Variants in PTBP2 observed in about 807,000 individuals in gnomAD.
PTBP2 encodes the protein polypyrimidine tract-binding protein 2.
A neutral mutation model predicts 61.4 loss-of-function variants in PTBP2; 13 were observed. The ratio of observed to expected loss-of-function variants is 0.21; its 90% confidence interval spans 0.14 to 0.34. The LOEUF (loss-of-function observed/expected upper bound fraction) is 0.34. Ranked by LOEUF, PTBP2 falls within the 10% of genes least tolerant of loss-of-function variation. The pLI is 1.00. For synonymous variants in PTBP2, 215 were observed against 218.5 expected (o/e 0.98, Z 0.14); for missense variants, 405 against 642.6 (o/e 0.63, Z 4.00).
chr1:96,730,301 T>C (rs1358499569), intron 2 of PTBP2, among the ~76,000 whole-genome samples: 1 of 152,216 alleles, frequency 6.6e-6, no homozygotes, highest in East Asian at 1.9e-4. Flanking sequence ...GAAGTTAATG[T>C]CATTAACTTA....
At position 96,751,460 on chromosome 1, in the gene PTBP2, C is replaced by T; in HGVS notation, c.75C>T (p.Leu25=). Residue 25 remains leucine (L), a synonymous_variant, in exon 3 of 14, where the codon CTC becomes CTT. Coordinates refer to ENST00000674951, the MANE Select transcript of PTBP2 (RefSeq NM_021190.4). ...GSDELLSGSV[L]SSPNSNMSSM... is the part of the protein sequence containing the mutation. ...ACGAACTACTCTCAGGCAGTGTTCT[C>T]AGTAGTCCGAACTCTAATATGAGCA... is the stretch of plus-strand genomic sequence containing the variant. 1 of 1,612,904 alleles carries T rather than the reference C, an allele frequency of 6.2e-7. No individual in the cohort carries two copies. Among genetic ancestry groups the T allele is most frequent in the Non-Finnish European group, 8.5e-7 (1 of 1,179,214 alleles).
chr1:96,815,989 G>T (rs1447727582), downstream of PTBP2: 1 of 152,210 alleles, frequency 6.6e-6, no homozygotes, highest in Non-Finnish European at 1.5e-5. Context: ...TATAATATTT[G>T]AAAGTAGGTT....
intron 11 of PTBP2, 84 bp from the exon 12 acceptor site, chr1:96,812,628 A>G (rs865799633): frequency 7.1e-6 from 8 of 1,129,552 alleles, no homozygotes; most frequent in East Asian, 2.6e-5. Context: ...AGAAAATTCA[A>G]ATTTTTAAAC....
At chr1:96,755,399 C>A (rs940464192) in intron 3 of PTBP2, among the ~76,000 whole-genome samples, 2 of 152,150 alleles carry the variant, frequency 1.3e-5, no homozygotes, top group African/African-American at 4.8e-5. Flanking sequence ...CACAATACTG[C>A]TGATGGGAAT....
chr1:96,727,435 A>G (rs1483203989), intron 2 of PTBP2, among the ~76,000 whole-genome samples: 3 of 152,162 alleles, frequency 2.0e-5, no homozygotes, highest in African/African-American at 7.2e-5. Flanking sequence ...AGTCTGGATC[A>G]TGTGATAGGC....
chr1:96,801,552 C>T (rs1301370737), intron 8 of PTBP2, among the ~76,000 whole-genome samples: 1 of 152,024 alleles, frequency 6.6e-6, no homozygotes, highest in Non-Finnish European at 1.5e-5. Context: ...TGTTTATGTG[C>T]TTTAAAAAGT....
chr1:96,726,539 G>A (rs369497312), intron 2 of PTBP2, among the ~76,000 whole-genome samples: 2 of 151,636 alleles, frequency 1.3e-5, no homozygotes, highest in Admixed American at 1.3e-4. Flanking sequence ...CTGGGTTCAC[G>A]CCATTCTCCT....
chr1:96,734,446 T>C (rs796978532), intron 2 of PTBP2, among the ~76,000 whole-genome samples: 36 of 151,974 alleles, frequency 2.4e-4, no homozygotes, highest in African/African-American at 8.4e-4. Context: ...CTCATAAAAG[T>C]CATAGTATTT....
chr1:96,797,107 C>G (rs148758457), intron 8 of PTBP2, among the ~76,000 whole-genome samples: 1 of 152,086 alleles, frequency 6.6e-6, no homozygotes, highest in African/African-American at 2.4e-5. Flanking sequence ...TTCCAGTAAT[C>G]CAATGGCTAT....
intron 7 of PTBP2, among the ~76,000 whole-genome samples, chr1:96,782,017 A>G (rs898609759): frequency 6.6e-6 from 1 of 152,022 alleles, no homozygotes; most frequent in Non-Finnish European, 1.5e-5. Flanking sequence ...AATCTTTTTA[A>G]TAGTATAATA....
chr1:96,744,007 G>A (rs1653405762), intron 2 of PTBP2, among the ~76,000 whole-genome samples: 1 of 151,964 alleles, frequency 6.6e-6, no homozygotes, highest in Non-Finnish European at 1.5e-5. Context: ...AAAATAAAAT[G>A]TGGTGAAACC....
chr1:96,737,268 CT>C (rs561848379), intron 2 of PTBP2, among the ~76,000 whole-genome samples: 179 of 152,228 alleles, frequency 1.2e-3, no homozygotes, highest in African/African-American at 4.1e-3. Flanking sequence ...GACCGGCCCA[CT>C]TTTTCTTTTT....
chr1:96,772,179 C>T (rs1303380052), intron 5 of PTBP2, among the ~76,000 whole-genome samples: 1 of 152,182 alleles, frequency 6.6e-6, no homozygotes, highest in Non-Finnish European at 1.5e-5. Flanking sequence ...GGGGTTCCCA[C>T]AACCCCCTTT....
intron 2 of PTBP2, among the ~76,000 whole-genome samples, chr1:96,730,122 C>T (rs1295288076): frequency 1.3e-5 from 2 of 152,052 alleles, no homozygotes; most frequent in African/African-American, 4.8e-5. Flanking sequence ...ATCTTTTTTC[C>T]TTGTCTGTCT....
At chr1:96,741,172 A>G (rs1237863303) in intron 2 of PTBP2, among the ~76,000 whole-genome samples, 1 of 151,986 alleles carries the variant, frequency 6.6e-6, no homozygotes, top group African/African-American at 2.4e-5. Context: ...ATGCAAAAAA[A>G]AAAAAACATT....
intron 2 of PTBP2, among the ~76,000 whole-genome samples, chr1:96,734,917 T>TC (rs1397676293): frequency 6.0e-5 from 9 of 149,002 alleles, no homozygotes; most frequent in East Asian, 5.9e-4. Flanking sequence ...TTTTTTTTTT[T>TC]TTTTTCCTGC....
intron 3 of PTBP2, among the ~76,000 whole-genome samples, chr1:96,760,440 C>CTTTTTT (rs989047792): frequency 3.2e-4 from 27 of 83,080 alleles, no homozygotes; most frequent in African/African-American, 4.3e-4. Flanking sequence ...AAATAGTTTG[C>CTTTTTT]TTTTTTTTTT....
At chr1:96,813,176 T>C (rs1662238694) in intron 13 of PTBP2, 70 bp downstream of exon 13, 6 of 1,542,490 alleles carry the variant, frequency 3.9e-6, no homozygotes, top group Non-Finnish European at 5.3e-6. Context: ...TTCTTTTCGT[T>C]TATAGAAATT....
At chr1:96,760,464 T>G (rs374956194) in intron 3 of PTBP2, among the ~76,000 whole-genome samples, 1 of 142,826 alleles carries the variant, frequency 7.0e-6, no homozygotes, top group African/African-American at 2.6e-5. Flanking sequence ...TTTTTTTTTT[T>G]GAGACAGAGT....
Sources: gnomAD v4.1 joint callset for allele counts (sites outside exome capture counted in the v4.1 genomes callset) on GRCh38, gnomAD v4.1.1 for gene constraint, MANE v1.5 for transcripts, NCBI Gene and HGNC (gene_info 2026-07-23, HGNC 2026-07-21) for gene names.